The following RTN1 variants were observed in gnomAD, a reference collection of about 807,000 sequenced individuals.
The protein encoded by RTN1 is reticulon 1.
In RTN1, 25 loss-of-function variants were observed where a neutral mutation model predicts 65.5. That is an observed-to-expected ratio of 0.38 (90% CI 0.28 to 0.53). The LOEUF (loss-of-function observed/expected upper bound fraction) is 0.53, where lower values mean the gene tolerates loss of function less well. RTN1 is among the 20% of genes least tolerant of loss of function. The pLI, the probability that RTN1 is intolerant of heterozygous loss-of-function variation, is 0.79. For synonymous variants in RTN1, 471 were observed against 447.6 expected, an observed-to-expected ratio of 1.05 and a Z score of -0.66; for missense variants, 983 against 1,025.4, an observed-to-expected ratio of 0.96 and a Z score of 0.57.
At chr14:59,674,472 C>A (rs545127744) in intron 3 of RTN1, among the ~76,000 whole-genome samples, 17 of 152,284 alleles carry the variant, frequency 1.1e-4, no homozygotes, top group African/African-American at 3.4e-4. Flanking sequence ...GTTTCTAGTA[C>A]AGATTAAGAA....
At chr14:59,742,495 G>A (rs1015375993) in intron 2 of RTN1, among the ~76,000 whole-genome samples, 1 of 152,148 alleles carries the variant, frequency 6.6e-6, no homozygotes, top group Non-Finnish European at 1.5e-5. Context: ...TGTATATTAT[G>A]TAGTAAAAAT....
chr14:59,609,087 C>T (rs1438237783), intron 3 of RTN1, among the ~76,000 whole-genome samples: 1 of 151,884 alleles, frequency 6.6e-6, no homozygotes, highest in African/African-American at 2.4e-5. Flanking sequence ...GAGTTCGAGA[C>T]CAGCCCAGCC....
chr14:59,856,076 T>C (rs1887602514), intron 1 of RTN1, among the ~76,000 whole-genome samples: 1 of 152,140 alleles, frequency 6.6e-6, no homozygotes, highest in African/African-American at 2.4e-5. Context: ...CAGCCTGAGA[T>C]ATAGGATGAA....
chr14:59,787,535 G>A (rs561456976), intron 1 of RTN1, among the ~76,000 whole-genome samples: 35 of 152,344 alleles, frequency 2.3e-4, no homozygotes, highest in African/African-American at 8.4e-4. Context: ...CAGAAGTGCA[G>A]GCCTGATCTC....
At chr14:59,792,628 C>G (rs1886369193) in intron 1 of RTN1, among the ~76,000 whole-genome samples, 1 of 152,126 alleles carries the variant, frequency 6.6e-6, no homozygotes, top group Non-Finnish European at 1.5e-5. Flanking sequence ...GTCCATTTCT[C>G]ACTTTTTTGG....
chr14:59,739,465 C>A (rs1276267016), intron 2 of RTN1, among the ~76,000 whole-genome samples: 1 of 150,952 alleles, frequency 6.6e-6, no homozygotes, highest in Non-Finnish European at 1.5e-5. Context: ...CGCTTGAACC[C>A]GGGAGGCTGA....
intron 1 of RTN1, among the ~76,000 whole-genome samples, chr14:59,838,557 AATG>A (rs1381733615): frequency 2.0e-5 from 3 of 152,230 alleles, no homozygotes; most frequent in African/African-American, 7.2e-5. Context: ...AAAAATAGTT[AATG>A]ATGTCAGAAG....
At chr14:59,740,214 C>T (rs1885089401) in intron 2 of RTN1, among the ~76,000 whole-genome samples, 1 of 152,190 alleles carries the variant, frequency 6.6e-6, no homozygotes, top group South Asian at 2.1e-4. Flanking sequence ...GCCTGGCACA[C>T]CGGAGGTACG....
At chr14:59,704,849 A>G (rs1381936155) in intron 3 of RTN1, among the ~76,000 whole-genome samples, 1 of 152,152 alleles carries the variant, frequency 6.6e-6, no homozygotes, top group East Asian at 1.9e-4. Context: ...CCATAGACGT[A>G]TCATTTTGAT....
At chr14:59,597,350 T>C (rs1429877632) in intron 8 of RTN1, among the ~76,000 whole-genome samples, 1 of 152,268 alleles carries the variant, frequency 6.6e-6, no homozygotes, top group Non-Finnish European at 1.5e-5. Context: ...GGGACTTTTC[T>C]GGTCCTAAAT....
Position 59,745,807 on chromosome 14 carries a change from T to G in RTN1, c.916A>C (p.Ile306Leu), listed in dbSNP as rs758276986. ...GTGTCAGGACTTGGCTTTAGACATA[T>G]ATCTTGCTTCTCAGGGGTCTTCTCT... ...TQEKTPEKQD[I>L]CLKPSPDTVP... Residue 306 changes from isoleucine to leucine, a missense_variant, in exon 2 of 9, where the codon ATA becomes CTA. By Grantham distance (5) the Ile-to-Leu change is conservative (BLOSUM62 2). Coordinates refer to ENST00000267484, the MANE Select transcript of RTN1 (RefSeq NM_021136.3). 47 of 1,613,944 alleles carry G rather than the reference T, an allele frequency of 2.9e-5. No individual in the cohort carries two copies. In the African/African-American group the frequency reaches 5.3e-4, roughly 18 times the overall value.
At chr14:59,826,286 C>T (rs977916731) in intron 1 of RTN1, among the ~76,000 whole-genome samples, 6 of 152,184 alleles carry the variant, frequency 3.9e-5, no homozygotes, top group Non-Finnish European at 5.9e-5. Flanking sequence ...TGCCTATTTC[C>T]TCATCAATAA....
chr14:59,651,934 A>G (rs1260409533), intron 3 of RTN1, among the ~76,000 whole-genome samples: 1 of 152,198 alleles, frequency 6.6e-6, no homozygotes, highest in Non-Finnish European at 1.5e-5. Context: ...AATTTTGCAA[A>G]CTATGCATCA....
chr14:59,691,850 T>C (rs1482382081), intron 3 of RTN1, among the ~76,000 whole-genome samples: 1 of 152,090 alleles, frequency 6.6e-6, no homozygotes, highest in East Asian at 1.9e-4. Flanking sequence ...ATCATCTCAA[T>C]AGACACAGAA....
At chr14:59,728,741 A>C (rs770933783) in intron 2 of RTN1, among the ~76,000 whole-genome samples, 10 of 152,222 alleles carry the variant, frequency 6.6e-5, no homozygotes, top group Non-Finnish European at 1.2e-4. Flanking sequence ...AAAACATTTT[A>C]GATTTTCCTA....
At chr14:59,761,268 A>T (rs1056680967) in intron 1 of RTN1, among the ~76,000 whole-genome samples, 3 of 152,166 alleles carry the variant, frequency 2.0e-5, no homozygotes, top group African/African-American at 7.2e-5. Context: ...TTGAATTGTA[A>T]CAATCCCCAC....
intron 1 of RTN1, among the ~76,000 whole-genome samples, chr14:59,808,974 C>A (rs1406049858): frequency 6.6e-6 from 1 of 152,162 alleles, no homozygotes; most frequent in South Asian, 2.1e-4. Context: ...AATTAAACCT[C>A]TTTTATTTAT....
intron 3 of RTN1, among the ~76,000 whole-genome samples, chr14:59,640,281 TTCCAAATGAATTTG>T (rs1404448005): frequency 6.6e-6 from 1 of 152,194 alleles, no homozygotes; most frequent in African/African-American, 2.4e-5. Flanking sequence ...TGGTTTTTAT[TTCCAAATGAATTTG>T]TCCATTTTAT....
In RTN1 at chr14:59,683,556, G is replaced by A. The variant is rs190384992; in HGVS notation, c.1765+43363C>T. On this transcript the variant is annotated intron_variant, in intron 3 of 8. Coordinates refer to ENST00000267484, the MANE Select transcript of RTN1 (RefSeq NM_021136.3). ...CACTGTAGAATTAAATGTCACAAAT[G>A]ATGGCTTTTTACCACAACTTCTGAA... Among the ~76,000 whole-genome samples, 821 of 152,058 alleles carry A rather than the reference G, an allele frequency of 5.4e-3. 7 individuals are homozygous for A. The highest frequency in any genetic ancestry group is 0.014 in the Middle Eastern group (4 of 294).
Sources: gnomAD v4.1 joint callset for allele counts (sites outside exome capture counted in the v4.1 genomes callset) on GRCh38, gnomAD v4.1.1 for gene constraint, MANE v1.5 for transcripts, NCBI Gene and HGNC (gene_info 2026-07-23, HGNC 2026-07-21) for gene names.